The following SPTBN1 variants were observed in gnomAD, a reference collection of about 807,000 sequenced individuals.
The protein encoded by SPTBN1 is spectrin beta, non-erythrocytic 1.
In SPTBN1, 32 loss-of-function variants were observed where a neutral mutation model predicts 266.4. That is an observed-to-expected ratio of 0.12 (90% CI 0.09 to 0.16). SPTBN1 has a LOEUF of 0.16. SPTBN1 is among the 10% of genes least tolerant of loss of function. The probability of loss-of-function intolerance (pLI) is 1.00; values close to 1 mark genes in which losing one functional copy is unlikely to be tolerated. For missense variants in SPTBN1, 2,296 were observed against 3,067.1 expected (o/e 0.75, Z 5.94); for synonymous variants, 1,336 against 1,162.2 (o/e 1.15, Z -3.04).
chr2:54,481,433 TGTG>T (rs1385607901), intron 1 of SPTBN1, among the ~76,000 whole-genome samples: 3 of 91,158 alleles, frequency 3.3e-5, no homozygotes, highest in East Asian at 5.0e-4. Context: ...TGTGTGTGTG[TGTG>T]TGTGTTTTGT....
At chr2:54,667,507 C>T in intron 34 of SPTBN1, 97 bp from the exon 35 acceptor site, 4 of 1,191,812 alleles carry the variant, frequency 3.4e-6, no homozygotes, top group Non-Finnish European at 2.5e-6. Context: ...GTTGTGACTC[C>T]TGTGGTCTAC....
chr2:54,501,457 A>T (rs1213127597), intron 1 of SPTBN1, among the ~76,000 whole-genome samples: 1 of 152,208 alleles, frequency 6.6e-6, no homozygotes, highest in Non-Finnish European at 1.5e-5. Flanking sequence ...TTTAGGGAAC[A>T]CTACACATTA....
In SPTBN1 at chr2:54,628,243, C is replaced by T. The variant is rs551964268; in HGVS notation, c.1791C>T (p.Asp597=). 50 of 1,611,850 alleles carry T rather than the reference C, an allele frequency of 3.1e-5. 1 individual carries two copies. The Admixed American group carries it at 4.2e-4, about 14-fold the overall frequency. Reference sequence around the variant, plus strand: ...CCTCCGCCCAGAAGTTCGCAACAGACGGGGAAGGTAAGGATGGCCCATTCC... The same window carrying T: ...CCTCCGCCCAGAAGTTCGCAACAGATGGGGAAGGTAAGGATGGCCCATTCC... ...VNASAQKFAT[D]GEGYKPCDPQ... Residue 597 remains aspartate, a synonymous_variant, in exon 13 of 36, where the codon GAC becomes GAT. Coordinates refer to ENST00000356805, the MANE Select transcript of SPTBN1 (RefSeq NM_003128.3). This position sits in a 1 kb window ranked among gnomAD's most constrained non-coding sequence, Gnocchi z 4.3.
intron 2 of SPTBN1, among the ~76,000 whole-genome samples, chr2:54,562,696 T>TTGTGTGTG (rs55947327): frequency 0.13 from 16,491 of 122,356 alleles, 1,260 homozygotes; most frequent in Middle Eastern, 0.19. Flanking sequence ...AAACCCTGCT[T>TTGTGTGTG]TGTGTGTGTG....
chr2:54,599,105 C>T lies in SPTBN1; in HGVS notation c.162C>T (p.Ala54=), dbSNP rs775338188. ...CTCTGCTTGCAGATGAGCGTGAAGCCGTGCAGAAGAAGACCTTCACCAAGT... is the reference window on the plus strand; with the variant it reads ...CTCTGCTTGCAGATGAGCGTGAAGCTGTGCAGAAGAAGACCTTCACCAAGT... ...RIKALADERE[A]VQKKTFTKWV... Residue 54 remains alanine (A), a synonymous_variant, in exon 3 of 36, where the codon GCC becomes GCT. Transcript: ENST00000356805. The T allele has an allele frequency of 1.3e-5, 21 of 1,613,842 alleles. No homozygotes were observed. The highest frequency in any genetic ancestry group is 2.2e-5 in the South Asian group (2 of 91,054).
At chr2:54,477,016 G>GT (rs11380293) in intron 1 of SPTBN1, among the ~76,000 whole-genome samples, 90,471 of 149,654 alleles carry the variant, frequency 0.6, 28,423 homozygotes, top group African/African-American at 0.8. Context: ...AACACACCGA[G>GT]TTTTTTTTTT....
intron 18 of SPTBN1, among the ~76,000 whole-genome samples, chr2:54,638,804 G>T (rs955197881): frequency 2.0e-5 from 3 of 152,184 alleles, no homozygotes; most frequent in African/African-American, 7.2e-5. Context: ...GTAGAATCAG[G>T]TCATACGCTG....
intron 11 of SPTBN1, among the ~76,000 whole-genome samples, chr2:54,625,258 A>C (rs1304191821): frequency 1.3e-5 from 2 of 152,184 alleles, no homozygotes; most frequent in East Asian, 3.8e-4. Flanking sequence ...TCTTTTCTTT[A>C]ATCTTTGACC....
intron 19 of SPTBN1, 91 bp downstream of exon 19, chr2:54,643,220 G>C: frequency 6.5e-7 from 1 of 1,541,026 alleles, no homozygotes; most frequent in African/African-American, 1.4e-5. Flanking sequence ...CAGCATATCT[G>C]ATCTTATCTG....
At chr2:54,638,874 A>G (rs1180592600) in intron 18 of SPTBN1, among the ~76,000 whole-genome samples, 1 of 152,250 alleles carries the variant, frequency 6.6e-6, no homozygotes, top group East Asian at 1.9e-4. Flanking sequence ...GTGCATTAAA[A>G]GAAATACGGC....
chr2:54,659,219 C>A lies in SPTBN1; in HGVS notation c.6309C>A (p.Pro2103=). ...AGAGGAAGAGGCGGCCGCCTTCTCC[C>A]GAGCCGAGCACGAAGGTTTCAGAGG... The part of the protein sequence containing the change: ...EEERKRRPPS[P]EPSTKVSEEA... The change falls in exon 31 of 36, where the codon CCC becomes CCA. Residue 2103 remains proline, a synonymous_variant. Coordinates refer to ENST00000356805, the MANE Select transcript of SPTBN1 (RefSeq NM_003128.3). 3 of 1,614,044 alleles carry A rather than the reference C, an allele frequency of 1.9e-6. No homozygotes were observed. The highest frequency in any genetic ancestry group is 2.5e-6 in the Non-Finnish European group (3 of 1,179,980).
chr2:54,592,147 A>T (rs981610112), intron 2 of SPTBN1, among the ~76,000 whole-genome samples: 1 of 152,228 alleles, frequency 6.6e-6, no homozygotes, highest in Non-Finnish European at 1.5e-5. Context: ...AGCTGGGGTG[A>T]CAGACTCCTT....
At chr2:54,595,931 A>T (rs548849453) in intron 2 of SPTBN1, among the ~76,000 whole-genome samples, 1 of 152,224 alleles carries the variant, frequency 6.6e-6, no homozygotes, top group East Asian at 1.9e-4. Context: ...CGAGGAATCA[A>T]AATTGCCCCT....
chr2:54,492,690 C>G (rs1324651820), intron 1 of SPTBN1, among the ~76,000 whole-genome samples: 1 of 152,168 alleles, frequency 6.6e-6, no homozygotes, highest in Admixed American at 6.5e-5. Context: ...GACACATGGA[C>G]ACGTCTCTTA....
intron 1 of SPTBN1, among the ~76,000 whole-genome samples, chr2:54,458,906 T>C (rs1348867039): frequency 1.3e-5 from 2 of 152,248 alleles, no homozygotes; most frequent in African/African-American, 4.8e-5. Flanking sequence ...TTTGATTTCA[T>C]GTGGCTCTGC....
At chr2:54,593,258 G>T (rs1335050427) in intron 2 of SPTBN1, among the ~76,000 whole-genome samples, 2 of 152,028 alleles carry the variant, frequency 1.3e-5, no homozygotes, top group East Asian at 3.8e-4. Flanking sequence ...CTAGGTTCTC[G>T]GGGCTCCAAG....
chr2:54,621,549 A>G (rs1677993476), intron 8 of SPTBN1, 37 bp downstream of exon 8: 8 of 1,531,214 alleles, frequency 5.2e-6, no homozygotes, highest in Middle Eastern at 1.8e-4. Flanking sequence ...GTGAGACATA[A>G]TTAAGGTTAA....
intron 24 of SPTBN1, 90 bp from the exon 25 acceptor site, chr2:54,648,896 C>A: frequency 2.5e-6 from 3 of 1,180,128 alleles, no homozygotes; most frequent in South Asian, 3.1e-5. Flanking sequence ...GTAATATGCT[C>A]TCCCATTATC....
chr2:54,500,118 G>A (rs1030912303), intron 1 of SPTBN1, among the ~76,000 whole-genome samples: 1 of 152,070 alleles, frequency 6.6e-6, no homozygotes, highest in East Asian at 1.9e-4. Context: ...TGTTTTAGGC[G>A]GTTTTTCATT....
Sources: gnomAD v4.1 joint callset for allele counts (sites outside exome capture counted in the v4.1 genomes callset) on GRCh38, gnomAD v4.1.1 for gene constraint, Gnocchi (gnomAD v3.1) non-coding constraint, MANE v1.5 for transcripts, NCBI Gene and HGNC (gene_info 2026-07-23, HGNC 2026-07-21) for gene names.